Variants in CPNE8 observed in about 807,000 individuals in gnomAD.
CPNE8 encodes copine-8.
In CPNE8, 45 loss-of-function variants were observed where a neutral mutation model predicts 81.5. That is an observed-to-expected ratio of 0.55 (90% confidence interval 0.44 to 0.71). The LOEUF (loss-of-function observed/expected upper bound fraction) is 0.71, where lower values mean the gene tolerates loss of function less well. Ranked by LOEUF, CPNE8 falls within the 30% of genes least tolerant of loss-of-function variation. The probability of loss-of-function intolerance (pLI) is 0.00; values close to 1 mark genes in which losing one functional copy is unlikely to be tolerated. For synonymous variants in CPNE8, 252 were observed against 226.3 expected, an observed-to-expected ratio of 1.11 and a Z score of -1.02; for missense variants, 594 against 672.1, an observed-to-expected ratio of 0.88 and a Z score of 1.28.
chr12:38,716,867 A>T (rs775464884), intron 13 of CPNE8, among the ~76,000 whole-genome samples: 1 of 152,176 alleles, frequency 6.6e-6, no homozygotes, highest in Non-Finnish European at 1.5e-5. Context: ...ACACAGTGGG[A>T]GAAAATATAT....
chr12:38,901,799 C>G (rs1421525568), intron 1 of CPNE8, among the ~76,000 whole-genome samples: 1 of 152,146 alleles, frequency 6.6e-6, no homozygotes, highest in Non-Finnish European at 1.5e-5. Context: ...CAAGCCCCAT[C>G]TCTCCCCTTT....
intron 16 of CPNE8, among the ~76,000 whole-genome samples, chr12:38,683,070 C>A (rs1244353088): frequency 6.6e-6 from 1 of 152,104 alleles, no homozygotes; most frequent in African/African-American, 2.4e-5. Flanking sequence ...AAATTTGATG[C>A]TTTGAGTCTT....
chr12:38,836,624 T>C (rs1943385258), intron 5 of CPNE8, among the ~76,000 whole-genome samples: 1 of 152,212 alleles, frequency 6.6e-6, no homozygotes. Context: ...AGTGCCTTTA[T>C]GCCACATGCA....
intron 10 of CPNE8, among the ~76,000 whole-genome samples, chr12:38,750,436 G>A (rs1941332799): frequency 6.6e-6 from 1 of 152,166 alleles, no homozygotes; most frequent in African/African-American, 2.4e-5. Flanking sequence ...GACACTCAAT[G>A]CCAGCCCGTG....
intron 4 of CPNE8, among the ~76,000 whole-genome samples, chr12:38,845,975 A>G (rs1361320086): frequency 6.6e-6 from 1 of 152,224 alleles, no homozygotes; most frequent in Non-Finnish European, 1.5e-5. Flanking sequence ...TCCATTTTGC[A>G]ATATGCTTTC....
intron 11 of CPNE8, chr12:38,726,615 C>A (rs967328650): frequency 6.6e-6 from 1 of 152,076 alleles, no homozygotes; most frequent in African/African-American, 2.4e-5. Context: ...TATAGGAAAT[C>A]AATGAATAAA....
chr12:38,678,793 C>G (rs1939346547), intron 16 of CPNE8, among the ~76,000 whole-genome samples: 3 of 151,968 alleles, frequency 2.0e-5, no homozygotes, highest in Admixed American at 2.0e-4. Flanking sequence ...AAGTGGCATG[C>G]TCAATCACAC....
intron 6 of CPNE8, among the ~76,000 whole-genome samples, chr12:38,806,877 C>G (rs1481101775): frequency 6.6e-6 from 1 of 151,126 alleles, no homozygotes; most frequent in African/African-American, 2.4e-5. Flanking sequence ...CCAAAATCTC[C>G]TTAAGCTGAT....
intron 8 of CPNE8, among the ~76,000 whole-genome samples, chr12:38,763,356 A>G (rs138456411): frequency 1.2e-3 from 183 of 152,364 alleles, no homozygotes; most frequent in East Asian, 8.9e-3. Flanking sequence ...ATGAGCAAAG[A>G]AGGAGGATGA....
At chr12:38,829,110 T>A (rs1943245312) in intron 6 of CPNE8, among the ~76,000 whole-genome samples, 2 of 152,352 alleles carry the variant, frequency 1.3e-5, no homozygotes, top group East Asian at 3.9e-4. Flanking sequence ...CGAAATCTGA[T>A]AATTAATAGT....
chr12:38,850,644 G>A (rs1232168840), intron 3 of CPNE8, among the ~76,000 whole-genome samples: 1 of 152,044 alleles, frequency 6.6e-6, no homozygotes, highest in African/African-American at 2.4e-5. Context: ...TAAATCCAGT[G>A]GTCACTTCTG....
chr12:38,658,666 A>T (rs1591993235), intron 19 of CPNE8, among the ~76,000 whole-genome samples: 2 of 152,242 alleles, frequency 1.3e-5, no homozygotes, highest in Admixed American at 6.5e-5. Context: ...CGGGTTACCC[A>T]CAAAGGGAAA....
intron 10 of CPNE8, among the ~76,000 whole-genome samples, chr12:38,740,511 T>G (rs1234348776): frequency 6.6e-6 from 1 of 152,218 alleles, no homozygotes; most frequent in African/African-American, 2.4e-5. Flanking sequence ...GCCCATTCAG[T>G]ATGATATTGG....
At chr12:38,748,368 T>G (rs1052642715) in intron 10 of CPNE8, among the ~76,000 whole-genome samples, 2 of 152,236 alleles carry the variant, frequency 1.3e-5, no homozygotes, top group African/African-American at 2.4e-5. Flanking sequence ...CAATTTAATT[T>G]GGACATCAGG....
intron 3 of CPNE8, among the ~76,000 whole-genome samples, chr12:38,853,205 C>T (rs1469426403): frequency 1.3e-5 from 2 of 152,082 alleles, no homozygotes; most frequent in East Asian, 3.8e-4. Flanking sequence ...ATGTCTTATG[C>T]TACTAAATAA....
At chr12:38,705,417 C>G (rs1200622321) in intron 13 of CPNE8, among the ~76,000 whole-genome samples, 1 of 152,036 alleles carries the variant, frequency 6.6e-6, no homozygotes, top group African/African-American at 2.4e-5. Flanking sequence ...AAACAACAAC[C>G]TTTCTTGCTT....
At chr12:38,798,470 A>C (rs1942562002) in intron 6 of CPNE8, among the ~76,000 whole-genome samples, 1 of 152,148 alleles carries the variant, frequency 6.6e-6, no homozygotes, top group African/African-American at 2.4e-5. Context: ...GTGAAGGAGA[A>C]ATAAAATACT....
At chr12:38,676,423 C>T (rs530306370) in intron 17 of CPNE8, 2 of 387,762 alleles carry the variant, frequency 5.2e-6, no homozygotes, top group East Asian at 3.3e-4. Flanking sequence ...TCTTTTTCCT[C>T]TTTTCATGTT....
At chr12:38,693,908 G>A (rs969533663) in intron 14 of CPNE8, 70 bp from the exon 15 acceptor site, 6 of 1,251,418 alleles carry the variant, frequency 4.8e-6, no homozygotes, top group Non-Finnish European at 6.6e-6. Context: ...TTTTCTTGGT[G>A]TCTATTTCAG....
Sources: gnomAD v4.1 joint callset for allele counts (sites outside exome capture counted in the v4.1 genomes callset) on GRCh38, gnomAD v4.1.1 for gene constraint, MANE v1.5 for transcripts, NCBI Gene and HGNC (gene_info 2026-07-23, HGNC 2026-07-21) for gene names.